The following MIP variants were observed in gnomAD, a reference collection of about 807,000 sequenced individuals.
MIP encodes the protein major intrinsic protein of lens fiber.
Under a neutral mutation model 21.8 loss-of-function variants are expected in MIP, and 14 were observed. The observed-to-expected ratio is 0.64, with a 90% CI of 0.42 to 1.00. MIP has a LOEUF of 1.00. Among genes scored for constraint, MIP ranks in the 50% least tolerant of loss-of-function variants. MIP has a pLI of 0.00. For synonymous variants in MIP, 133 were observed against 141.4 expected (o/e 0.94, Z 0.42); for missense variants, 260 against 333.5 (o/e 0.78, Z 1.72).
rs182696105 is a variant in MIP, at chr12:56,452,428, A to T, written c.606+644T>A. On this transcript the variant is annotated intron_variant, in intron 3 of 3. Transcript: ENST00000652304. ...ATTTTGTTTATCCATTCATCCACTG[A>T]GGAACACTTGGGTTGCTTTTACCTC... 3.3e-4 allele frequency among the ~76,000 whole-genome samples: 51 copies of T among 152,352 alleles called. 2 individuals carry two copies. The highest frequency in any genetic ancestry group is 2.9e-3 in the Admixed American group (45 of 15,290).
At chr12:56,452,240 T>C (rs774041) in intron 3 of MIP, among the ~76,000 whole-genome samples, 32 of 152,302 alleles carry the variant, frequency 2.1e-4, no homozygotes, top group Admixed American at 1.4e-3. Flanking sequence ...GTCTGTGAAT[T>C]TGAGTACTCT....
chr12:56,452,581 C>G (rs1270250076), intron 3 of MIP: 1 of 188,780 alleles, frequency 5.3e-6, no homozygotes, highest in Non-Finnish European at 1.1e-5. Flanking sequence ...TACTTTATAT[C>G]AGATTCTGTG....
Position 56,451,474 on chromosome 12 carries a change from A to G in MIP, c.607-9T>C. The G allele has an allele frequency of 6.2e-7, 1 of 1,613,798 alleles. No homozygotes were observed. The highest frequency in any genetic ancestry group is 8.5e-7 in the Non-Finnish European group (1 of 1,179,796). On this transcript the variant is annotated splice_polypyrimidine_tract_variant and intron_variant, in intron 3 of 3. Coordinates refer to ENST00000652304, the MANE Select transcript of MIP (RefSeq NM_012064.4). ...GGGCCTACCCAGTACACCTGTAGAAAGAGAAAAGGAATACTCAGGCTTGGG... is the reference window on the plus strand; with the variant it reads ...GGGCCTACCCAGTACACCTGTAGAAGGAGAAAAGGAATACTCAGGCTTGGG...
intron 3 of MIP, 51 bp downstream of exon 3, chr12:56,453,021 C>A (rs1473822185): frequency 2.3e-6 from 3 of 1,286,908 alleles, no homozygotes; most frequent in South Asian, 1.2e-5. Flanking sequence ...AACCTGCAGT[C>A]CACAACCATC....
At chr12:56,454,181 G>A in intron 1 of MIP, 73 bp downstream of exon 1, 1 of 1,600,048 alleles carries the variant, frequency 6.2e-7, no homozygotes, top group Non-Finnish European at 8.6e-7. Flanking sequence ...TGATTCACCT[G>A]CACCAGTCAG....
At position 56,451,456 on chromosome 12, in the gene MIP, C is replaced by G. The variant is rs760950240; in HGVS notation, c.616G>C (p.Val206Leu). 1 of 1,614,032 alleles carries G rather than the reference C, an allele frequency of 6.2e-7. No homozygotes were observed. Among genetic ancestry groups the G allele is most frequent in the Non-Finnish European group, 8.5e-7 (1 of 1,179,976 alleles). Residue 206 changes from valine to leucine, a missense_variant, in exon 4 of 4, where the codon GTA becomes CTA. Coordinates refer to ENST00000652304, the MANE Select transcript of MIP (RefSeq NM_012064.4). ...GNFTNHWVYW[V>L]GPIIGGGLGS... is the part of the protein sequence containing the mutation. ...AGACCCCCTCCAATGATTGGGCCTA[C>G]CCAGTACACCTGTAGAAAGAGAAAA...
Position 56,454,508 on chromosome 12 carries a change from G to A in MIP, c.106C>T (p.Pro36Ser), listed in dbSNP as rs1337433964. ...ACCTGCAGAACATGCAGGGGTCCAG[G>A]AGCCCAGCGCAGTGAGGACCCCAGC... Reference protein sequence around the residue: ...FGLGSSLRWAPGPLHVLQVAM... With the variant: ...FGLGSSLRWASGPLHVLQVAM... Residue 36 changes from proline (P) to serine (S), a missense_variant, in exon 1 of 4, where the codon CCT becomes TCT. Pro to Ser is a moderately conservative substitution (Grantham distance 74). Coordinates refer to ENST00000652304, the MANE Select transcript of MIP (RefSeq NM_012064.4). The A allele has an allele frequency of 1.9e-6, 3 of 1,612,892 alleles. No individual in the cohort carries two copies. Among genetic ancestry groups the A allele is most frequent in the South Asian group, 2.2e-5 (2 of 90,974 alleles).
chr12:56,453,755 A>G lies in MIP; in HGVS notation c.361T>C (p.Leu121=). Residue 121 remains leucine (L), a splice_region_variant and synonymous_variant, in exon 2 of 4, where the codon TTG becomes CTG. Transcript: ENST00000652304. ...AVRGNLALNT[L]HPAVSVGQAT... The stretch of plus-strand genomic sequence containing the variant: ...TGGCCCACGCTCACCGCAGGGTGCA[A>G]CTGTGCAAAGGAAGAAGAAGAGAGA... The G allele has an allele frequency of 6.2e-7, 1 of 1,613,178 alleles. No homozygotes were observed. The highest frequency in any genetic ancestry group is 1.1e-5 in the South Asian group (1 of 90,916).
At chr12:56,454,164 G>A (rs763449038) in intron 1 of MIP, 90 bp downstream of exon 1, 1 of 1,559,184 alleles carries the variant, frequency 6.4e-7, no homozygotes, top group Non-Finnish European at 8.8e-7. Context: ...CCAGACCCCA[G>A]GGGAGCTGAT....
Position 56,450,817 on chromosome 12 carries a change from C to T in MIP, c.*463G>A, listed in dbSNP as rs1231423373. 2.9e-5 allele frequency: 5 copies of T among 173,010 alleles called. No homozygotes were observed. Among genetic ancestry groups the T allele is most frequent in the Non-Finnish European group, 6.3e-5 (5 of 79,622 alleles). 10.7% of individuals were successfully genotyped at this position (173,010 alleles called of 1,614,324 possible). On this transcript the variant is annotated 3_prime_UTR_variant, in exon 4 of 4. Coordinates refer to ENST00000652304, the MANE Select transcript of MIP (RefSeq NM_012064.4). Reference sequence around the variant, plus strand: ...CTCCTCCACTTCTCTCCATCTGCCTCGTGTGAGGAGTAACTCCCTGCTTCT... The same window carrying T: ...CTCCTCCACTTCTCTCCATCTGCCTTGTGTGAGGAGTAACTCCCTGCTTCT...
At chr12:56,455,757 AG>A (rs943186205), upstream of MIP, among the ~76,000 whole-genome samples, 1 of 152,168 alleles carries the variant, frequency 6.6e-6, no homozygotes, top group Non-Finnish European at 1.5e-5. Context: ...ACATACTGAT[AG>A]GTTCTACCAT....
In MIP at chr12:56,453,665, C is replaced by G; in HGVS notation, c.451G>C (p.Glu151Gln). Residue 151 changes from glutamate to glutamine, a missense_variant, in exon 2 of 4, where the codon GAG becomes CAG. By Grantham distance (29) the Glu-to-Gln change is conservative (BLOSUM62 2). Coordinates refer to ENST00000652304, the MANE Select transcript of MIP (RefSeq NM_012064.4). ...FVLCIFATYD[E>Q]RRNGQLGSVA... ...GAGCCCAGTTGGCCATTCCGCCTCT[C>G]GTCGTATGTGGCAAAGATGCAGAGC... is the stretch of plus-strand genomic sequence containing the variant. The G allele has an allele frequency of 6.2e-7, 1 of 1,614,224 alleles. No homozygotes were observed. Among genetic ancestry groups the G allele is most frequent in the Non-Finnish European group, 8.5e-7 (1 of 1,180,050 alleles).
upstream of MIP, among the ~76,000 whole-genome samples, chr12:56,455,707 T>C (rs1254018223): frequency 4.6e-5 from 7 of 152,126 alleles, no homozygotes; most frequent in Non-Finnish European, 8.8e-5. Flanking sequence ...ACTTGGGACC[T>C]AGGCGTGGGG....
At position 56,454,383 on chromosome 12, in the gene MIP, C is replaced by T; in HGVS notation, c.231G>A (p.Val77=). 6.2e-7 allele frequency: 1 copy of T among 1,614,114 alleles called. No individual in the cohort carries two copies. The highest frequency in any genetic ancestry group is 2.2e-5 in the East Asian group (1 of 44,882). The change falls in exon 1 of 4, where the codon GTG becomes GTA. Residue 77 remains valine (V), a synonymous_variant. Coordinates refer to ENST00000652304, the MANE Select transcript of MIP (RefSeq NM_012064.4). ...CACGGAGCAGGGACATCTGGGAGCCCACAAGGAAAGCAAAAGTGACTGCAG... is the reference window on the plus strand; with the variant it reads ...CACGGAGCAGGGACATCTGGGAGCCTACAAGGAAAGCAAAAGTGACTGCAG... The part of the protein sequence containing the change: ...VNPAVTFAFL[V]GSQMSLLRAF...
rs1868511407 is a variant in MIP at position 56,449,515 on chromosome 12, CTG to C, written c.*1763_*1764del. On this transcript the variant is annotated 3_prime_UTR_variant, in exon 4 of 4. Transcript: ENST00000652304. The stretch of plus-strand genomic sequence containing the variant: ...AGGAAAAGGGAAGCGAGTGCAGGGA[CTG>C]TTTTATGTGAGGTCGATCTAAAAAT... The C allele has an allele frequency of 6.6e-6, 1 of 152,344 alleles. No homozygotes were observed. Among genetic ancestry groups the C allele is most frequent in the Non-Finnish European group, 1.5e-5 (1 of 68,044 alleles). The allele number at this position is 152,344 out of a possible 1,614,324, so 9.4% of individuals were successfully genotyped here.
In MIP at chr12:56,453,659, G is replaced by A. The variant is rs143538578; in HGVS notation, c.457C>T (p.Arg153Trp). 5.6e-6 allele frequency: 9 copies of A among 1,614,098 alleles called. No homozygotes were observed. Among genetic ancestry groups the A allele is most frequent in the African/African-American group, 2.7e-5 (2 of 74,942 alleles). ...GCCACGGAGCCCAGTTGGCCATTCC[G>A]CCTCTCGTCGTATGTGGCAAAGATG... ...LCIFATYDER[R>W]NGQLGSVALA... Residue 153 changes from arginine to tryptophan, a missense_variant, in exon 2 of 4, where the codon CGG (arginine) becomes TGG (tryptophan). Coordinates refer to ENST00000652304, the MANE Select transcript of MIP (RefSeq NM_012064.4).
chr12:56,453,913 T>A (rs971686152), intron 1 of MIP, among the ~76,000 whole-genome samples, 158 bp from the exon 2 acceptor site: 2 of 152,178 alleles, frequency 1.3e-5, no homozygotes, highest in Non-Finnish European at 2.9e-5. Flanking sequence ...TCTTACCATC[T>A]CCTAACAGTG....
At position 56,454,571 on chromosome 12, in the gene MIP, C is replaced by G; in HGVS notation, c.43G>C (p.Ala15Pro). The change falls in exon 1 of 4, where the codon GCT (alanine) becomes CCT (proline). Residue 15 changes from alanine to proline, a missense_variant. By Grantham distance (27) the Ala-to-Pro change is conservative. Transcript: ENST00000652304. ...TAGAAGAGGGTGGCAAAGAACTCAG[C>G]GAATATGGCCCTCCAAAAGGAGGCT... is the stretch of plus-strand genomic sequence containing the variant. ...RSASFWRAIF[A>P]EFFATLFYVF... 3.1e-6 allele frequency: 5 copies of G among 1,613,996 alleles called. No homozygotes were observed. The highest frequency in any genetic ancestry group is 4.2e-6 in the Non-Finnish European group (5 of 1,179,926).
At chr12:56,456,416 C>A (rs1453290600), upstream of MIP, among the ~76,000 whole-genome samples, 2 of 152,142 alleles carry the variant, frequency 1.3e-5, no homozygotes, top group Non-Finnish European at 2.9e-5. Flanking sequence ...GCGGGTGGAT[C>A]ACCTGAGGTC....
Sources: gnomAD v4.1 joint callset for allele counts (sites outside exome capture counted in the v4.1 genomes callset) on GRCh38, gnomAD v4.1.1 for gene constraint, MANE v1.5 for transcripts, NCBI Gene and HGNC (gene_info 2026-07-23, HGNC 2026-07-21) for gene names.